The following RNGTT variants were observed in gnomAD, a reference collection of about 807,000 sequenced individuals.
The protein encoded by RNGTT is RNA guanylyltransferase and 5'-phosphatase, also known as mRNA-capping enzyme.
In RNGTT, 33 loss-of-function variants were observed where a neutral mutation model predicts 79.3. That is an observed-to-expected ratio of 0.42 (90% CI 0.32 to 0.56). RNGTT has a LOEUF of 0.56. Ranked by LOEUF, RNGTT falls within the 20% of genes least tolerant of loss-of-function variation. The probability of loss-of-function intolerance (pLI) is 0.17; values close to 1 mark genes in which losing one functional copy is unlikely to be tolerated. For synonymous variants in RNGTT, 222 were observed against 235.9 expected, an observed-to-expected ratio of 0.94 and a Z score of 0.54; for missense variants, 497 against 739.1, an observed-to-expected ratio of 0.67 and a Z score of 3.80.
intron 8 of RNGTT, among the ~76,000 whole-genome samples, chr6:88,883,509 G>A (rs9362581): frequency 6.6e-6 from 1 of 152,048 alleles, no homozygotes; most frequent in Non-Finnish European, 1.5e-5. Flanking sequence ...AAGTGGATCA[G>A]CATGACTCAG....
At chr6:88,665,622 G>C (rs1446707435) in intron 14 of RNGTT, among the ~76,000 whole-genome samples, 4 of 152,224 alleles carry the variant, frequency 2.6e-5, no homozygotes, top group Non-Finnish European at 5.9e-5. Context: ...ATTAGCTCCA[G>C]AGAGCCAGAA....
intron 13 of RNGTT, among the ~76,000 whole-genome samples, chr6:88,766,085 C>A (rs889126705): frequency 1.1e-4 from 16 of 152,024 alleles, no homozygotes; most frequent in African/African-American, 3.6e-4. Context: ...TTACCATGTA[C>A]CAGGTTCTGT....
At chr6:88,838,360 T>A (rs1781151688) in intron 11 of RNGTT, among the ~76,000 whole-genome samples, 1 of 152,116 alleles carries the variant, frequency 6.6e-6, no homozygotes, top group African/African-American at 2.4e-5. Flanking sequence ...TGTAATAATT[T>A]TGATGAAATT....
chr6:88,662,094 G>C (rs1442903956), intron 14 of RNGTT, among the ~76,000 whole-genome samples: 1 of 152,228 alleles, frequency 6.6e-6, no homozygotes, highest in Non-Finnish European at 1.5e-5. Flanking sequence ...AAAAGCATTT[G>C]ACAAAATCTA....
intron 4 of RNGTT, among the ~76,000 whole-genome samples, chr6:88,926,331 T>C (rs76449145): frequency 0.022 from 3,402 of 152,318 alleles, 129 homozygotes; most frequent in African/African-American, 0.078. Context: ...CTCTTGTTTT[T>C]CAAATTTTTC....
At chr6:88,724,200 G>T (rs532883750) in intron 13 of RNGTT, among the ~76,000 whole-genome samples, 1 of 152,242 alleles carries the variant, frequency 6.6e-6, no homozygotes, top group African/African-American at 2.4e-5. Flanking sequence ...ATCTACAGGA[G>T]TATGTAGTAA....
chr6:88,918,452 CAGAA>C (rs1330513314), intron 4 of RNGTT, among the ~76,000 whole-genome samples: 2 of 151,942 alleles, frequency 1.3e-5, no homozygotes, highest in Non-Finnish European at 2.9e-5. Flanking sequence ...GAATGCAAAA[CAGAA>C]AGAAGGGTAC....
chr6:88,617,242 C>G (rs1042463165), intron 14 of RNGTT, among the ~76,000 whole-genome samples: 2 of 152,208 alleles, frequency 1.3e-5, no homozygotes, highest in African/African-American at 4.8e-5. Context: ...TGCACTCCAG[C>G]CTGGGCAAGA....
Position 88,648,379 on chromosome 6 carries a change from C to T in RNGTT, c.1506+29974G>A, listed in dbSNP as rs535367521. Among the ~76,000 whole-genome samples, 48 of 151,872 alleles carry T rather than the reference C, an allele frequency of 3.2e-4. 1 individual carries two copies. Among genetic ancestry groups the T allele is most frequent in the African/African-American group, 1.1e-3 (46 of 41,386 alleles). The stretch of plus-strand genomic sequence containing the variant: ...GCATTGTTGTCAACATATTAAATGA[C>T]GAGTTAATGGATGCAGTACACCAAC... On this transcript the variant is annotated intron_variant, in intron 14 of 15. Coordinates refer to ENST00000369485, the MANE Select transcript of RNGTT (RefSeq NM_003800.5).
At chr6:88,744,128 A>C (rs1187312388) in intron 13 of RNGTT, among the ~76,000 whole-genome samples, 1 of 152,224 alleles carries the variant, frequency 6.6e-6, no homozygotes, top group African/African-American at 2.4e-5. Flanking sequence ...ACAAGCTTTC[A>C]TGAGTTCATC....
intron 14 of RNGTT, among the ~76,000 whole-genome samples, chr6:88,673,319 C>G (rs1387876747): frequency 6.6e-6 from 1 of 152,218 alleles, no homozygotes; most frequent in Non-Finnish European, 1.5e-5. Flanking sequence ...ATATTATCAT[C>G]ACATTTAGCT....
At chr6:88,701,860 G>A (rs1775959362) in intron 13 of RNGTT, among the ~76,000 whole-genome samples, 1 of 151,958 alleles carries the variant, frequency 6.6e-6, no homozygotes, top group African/African-American at 2.4e-5. Flanking sequence ...GGGCTTCAGT[G>A]AAGTTTCAGG....
At chr6:88,942,372 T>C (rs1047236257) in intron 1 of RNGTT, among the ~76,000 whole-genome samples, 2 of 152,066 alleles carry the variant, frequency 1.3e-5, no homozygotes, top group Non-Finnish European at 2.9e-5. Flanking sequence ...AACTGATATA[T>C]GTATGCGTAT....
chr6:88,903,131 T>C (rs1049301390), intron 6 of RNGTT, among the ~76,000 whole-genome samples: 7 of 151,624 alleles, frequency 4.6e-5, no homozygotes, highest in Non-Finnish European at 1.0e-4. Flanking sequence ...AAAAAAAGAG[T>C]AAGACAATTT....
chr6:88,801,195 A>C (rs1246199848), intron 12 of RNGTT, among the ~76,000 whole-genome samples: 1 of 152,228 alleles, frequency 6.6e-6, no homozygotes. Context: ...AGAGAGATTA[A>C]TACATAAAAG....
At chr6:88,689,160 G>A (rs1052431492) in intron 13 of RNGTT, among the ~76,000 whole-genome samples, 5 of 152,142 alleles carry the variant, frequency 3.3e-5, no homozygotes, top group Non-Finnish European at 5.9e-5. Context: ...CATACCAATA[G>A]GCCAGGTGTG....
intron 11 of RNGTT, among the ~76,000 whole-genome samples, chr6:88,820,736 G>A (rs1780470496): frequency 6.6e-6 from 1 of 151,882 alleles, no homozygotes; most frequent in East Asian, 1.9e-4. Flanking sequence ...AAATACTTAG[G>A]GATAACATAA....
At chr6:88,820,619 C>T (rs1339054122) in intron 11 of RNGTT, among the ~76,000 whole-genome samples, 2 of 152,210 alleles carry the variant, frequency 1.3e-5, no homozygotes, top group African/African-American at 4.8e-5. Context: ...CACTTTCCCA[C>T]ATACCAGCAA....
At chr6:88,898,163 G>C (rs1026829537) in intron 6 of RNGTT, among the ~76,000 whole-genome samples, 1 of 152,140 alleles carries the variant, frequency 6.6e-6, no homozygotes, top group African/African-American at 2.4e-5. Context: ...ACACAACTCA[G>C]TCTCCACTTT....
Sources: gnomAD v4.1 joint callset for allele counts (sites outside exome capture counted in the v4.1 genomes callset) on GRCh38, gnomAD v4.1.1 for gene constraint, MANE v1.5 for transcripts, NCBI Gene and HGNC (gene_info 2026-07-23, HGNC 2026-07-21) for gene names.